The following TBC1D9B variants were observed in gnomAD, a reference collection of about 807,000 sequenced individuals.
TBC1D9B encodes TBC1 domain family member 9B, also known as TBC1 domain family, member 9B (with GRAM domain).
A neutral mutation model predicts 121.1 loss-of-function variants in TBC1D9B; 87 were observed. That is an observed-to-expected ratio of 0.72 (90% CI 0.60 to 0.86). The LOEUF (loss-of-function observed/expected upper bound fraction) is 0.86. TBC1D9B is among the 40% of genes least tolerant of loss of function. The probability of loss-of-function intolerance (pLI) is 0.00; values close to 1 mark genes in which losing one functional copy is unlikely to be tolerated. For synonymous variants in TBC1D9B, 668 were observed against 670.1 expected, an observed-to-expected ratio of 1.00 and a Z score of 0.05; for missense variants, 1,540 against 1,628.6, an observed-to-expected ratio of 0.95 and a Z score of 0.94.
intron 18 of TBC1D9B, chr5:179,866,247 G>A: frequency 6.3e-6 from 1 of 159,336 alleles, no homozygotes; most frequent in Non-Finnish European, 1.2e-5. Context: ...CTAGAACTCT[G>A]GGGAATGTTC....
intron 2 of TBC1D9B, among the ~76,000 whole-genome samples, chr5:179,900,546 G>A (rs930952321): frequency 1.3e-5 from 2 of 152,316 alleles, no homozygotes; most frequent in Admixed American, 6.5e-5. Context: ...TAAGGTGGCC[G>A]CGAACACTGA....
chr5:179,872,639 G>A (rs1471583459), intron 14 of TBC1D9B: 1 of 526,792 alleles, frequency 1.9e-6, no homozygotes, highest in Non-Finnish European at 3.4e-6. Flanking sequence ...GGCTGGGCAT[G>A]TGGCTTTCAG....
In TBC1D9B at chr5:179,875,018, G is replaced by A; in HGVS notation, c.2070C>T (p.Cys690=). The part of the protein sequence containing the change: ...PFESAVVIVD[C]FFYEGIKVIL... ...TCACCTTGATGCCCTCATAGAAAAA[G>A]CAGTCGACGATGACCACGGCGCTCT... Residue 690 remains cysteine, a synonymous_variant, in exon 12 of 21, where the codon TGC becomes TGT. Transcript: ENST00000355235. The surrounding 1 kb of genome is among the most constrained non-coding windows in gnomAD (Gnocchi z 4.5). 6.2e-7 allele frequency: 1 copy of A among 1,614,058 alleles called. No individual in the cohort carries two copies. The highest frequency in any genetic ancestry group is 1.1e-5 in the South Asian group (1 of 91,082).
At position 179,872,908 on chromosome 5, in the gene TBC1D9B, G is replaced by T. The variant is rs760489785; in HGVS notation, c.2399C>A (p.Thr800Lys). ...RLKVIQSLED[T>K]AKRSVVRAIP... ...CACCCATACCACACTCCTCTTGGCC[G>T]TGTCCTCCAAGGACTGGATCACTTT... Residue 800 changes from threonine (T) to lysine (K), a missense_variant, in exon 14 of 21, where the codon ACG becomes AAG. Transcript: ENST00000355235. The T allele has an allele frequency of 1.3e-6, 2 of 1,500,772 alleles. No individual in the cohort carries two copies. The highest frequency in any genetic ancestry group is 1.1e-5 in the South Asian group (1 of 89,350). The allele number at this position is 1,500,772 out of a possible 1,614,324, so 93.0% of individuals were successfully genotyped here. A position where few individuals can be genotyped will look rare whatever the true frequency, so the allele number is the denominator to read the frequency against.
Position 179,885,476 on chromosome 5 carries a change from C to T in TBC1D9B, c.1254+2627G>A, listed in dbSNP as rs563803138. 1.3e-4 allele frequency among the ~76,000 whole-genome samples: 20 copies of T among 152,096 alleles called. No individual in the cohort carries two copies. Among genetic ancestry groups the T allele is most frequent in the African/African-American group, 4.8e-4 (20 of 41,472 alleles). ...TGGTGGTGGACGCCTGTAATCCCAG[C>T]TACTCGGGAGGCTGAGGCAGGAGAA... is the stretch of plus-strand genomic sequence containing the variant. On this transcript the variant is annotated intron_variant, in intron 7 of 20. Coordinates refer to ENST00000355235, the MANE Select transcript of TBC1D9B (RefSeq NM_015043.4). This position sits in a 1 kb window ranked among gnomAD's most constrained non-coding sequence, Gnocchi z 4.5.
At chr5:179,881,308 C>A (rs1760535206) in intron 7 of TBC1D9B, among the ~76,000 whole-genome samples, 1 of 152,206 alleles carries the variant, frequency 6.6e-6, no homozygotes, top group African/African-American at 2.4e-5. Context: ...AACCACTTGC[C>A]ATCCTTGCAT....
chr5:179,905,549 C>A (rs1444785265), intron 1 of TBC1D9B, among the ~76,000 whole-genome samples: 1 of 152,212 alleles, frequency 6.6e-6, no homozygotes, highest in African/African-American at 2.4e-5. Flanking sequence ...AGTTTTTCTT[C>A]TCATCACATA....
At chr5:179,893,551 C>T (rs1325529748) in intron 4 of TBC1D9B, 84 bp from the exon 5 acceptor site, 5 of 1,505,346 alleles carry the variant, frequency 3.3e-6, no homozygotes, top group Non-Finnish European at 4.4e-6. Flanking sequence ...CAGACCCATC[C>T]CAGGGAACTG....
At position 179,874,598 on chromosome 5, in the gene TBC1D9B, G is replaced by C. The variant is rs1760305708; in HGVS notation, c.2186+304C>G. 6.6e-6 allele frequency among the ~76,000 whole-genome samples: 1 copy of C among 152,174 alleles called. No individual in the cohort carries two copies. Among genetic ancestry groups the C allele is most frequent in the Non-Finnish European group, 1.5e-5 (1 of 68,028 alleles). Reference sequence around the variant, plus strand: ...AGCTGTGCCACCAACTGGAATTGTGGTCACTGGATCTTGGCTCTGGTTTGC... The same window carrying C: ...AGCTGTGCCACCAACTGGAATTGTGCTCACTGGATCTTGGCTCTGGTTTGC... On this transcript the variant is annotated intron_variant, in intron 12 of 20. Coordinates refer to ENST00000355235, the MANE Select transcript of TBC1D9B (RefSeq NM_015043.4). The surrounding 1 kb of genome is among the most constrained non-coding windows in gnomAD (Gnocchi z 4.3).
At chr5:179,895,165 A>G (rs1760984000) in intron 3 of TBC1D9B, among the ~76,000 whole-genome samples, 1 of 152,188 alleles carries the variant, frequency 6.6e-6, no homozygotes, top group Non-Finnish European at 1.5e-5. Flanking sequence ...CTGGCCTGAC[A>G]CTTTTAAAAT....
intron 5 of TBC1D9B, among the ~76,000 whole-genome samples, chr5:179,892,191 G>A (rs753513755): frequency 5.3e-5 from 8 of 152,222 alleles, no homozygotes; most frequent in South Asian, 2.1e-4. Context: ...GCCCTGGGCC[G>A]CAGTGGCCTG....
In TBC1D9B at chr5:179,863,391, G is replaced by A. The variant is rs1759903203; in HGVS notation, c.*57C>T. On this transcript the variant is annotated 3_prime_UTR_variant, in exon 21 of 21. Transcript: ENST00000355235. The surrounding 1 kb of genome is among the most constrained non-coding windows in gnomAD (Gnocchi z 4.5). ...AACTGATAAGGGAGGAAAGGCAGGAGGAGATGAGGCCAGCCCCACTGATGA... is the reference window on the plus strand; with the variant it reads ...AACTGATAAGGGAGGAAAGGCAGGAAGAGATGAGGCCAGCCCCACTGATGA... The A allele has an allele frequency of 6.4e-7, 1 of 1,553,244 alleles. No individual in the cohort carries two copies. The highest frequency in any genetic ancestry group is 8.7e-7 in the Non-Finnish European group (1 of 1,145,994).
At chr5:179,870,027 C>T (rs376882594) in intron 16 of TBC1D9B, among the ~76,000 whole-genome samples, 193 bp from the exon 17 acceptor site, 3 of 152,274 alleles carry the variant, frequency 2.0e-5, no homozygotes, top group Middle Eastern at 3.4e-3. Context: ...GGCTGGCAGA[C>T]CAGCTTCTAG....
At chr5:179,896,187 T>C (rs1012809633) in intron 3 of TBC1D9B, among the ~76,000 whole-genome samples, 3 of 152,216 alleles carry the variant, frequency 2.0e-5, no homozygotes, top group African/African-American at 7.2e-5. Context: ...GTAAACCCAA[T>C]TCCAACTAAA....
At chr5:179,888,065 G>A (rs200972865) in intron 7 of TBC1D9B, 38 bp downstream of exon 7, 2 of 1,610,498 alleles carry the variant, frequency 1.2e-6, no homozygotes, top group East Asian at 2.2e-5. Context: ...CTCTTCCTGG[G>A]CCCAACTCGA....
chr5:179,896,779 C>T (rs770579734), intron 3 of TBC1D9B, among the ~76,000 whole-genome samples: 20 of 152,128 alleles, frequency 1.3e-4, no homozygotes, highest in Non-Finnish European at 2.5e-4. Context: ...CTGCCTTAGC[C>T]TCCCAAAGTG....
At chr5:179,896,942 T>C (rs1761037061) in intron 3 of TBC1D9B, among the ~76,000 whole-genome samples, 1 of 152,224 alleles carries the variant, frequency 6.6e-6, no homozygotes, top group South Asian at 2.1e-4. Context: ...AGTCTCGCTC[T>C]GTTGCCCAGG....
intron 18 of TBC1D9B, chr5:179,867,403 G>A (rs1760044969): frequency 6.5e-7 from 1 of 1,538,308 alleles, no homozygotes; most frequent in Non-Finnish European, 8.8e-7. Context: ...CAGGAAGAGT[G>A]TTAGGAGGTA....
intron 8 of TBC1D9B, 75 bp downstream of exon 8, chr5:179,879,553 C>T: frequency 6.2e-7 from 1 of 1,608,740 alleles, no homozygotes; most frequent in Admixed American, 1.7e-5. Flanking sequence ...AGGCCCAGGC[C>T]CAGGACTGGC....
Sources: allele counts gnomAD v4.1 joint callset (sites outside exome capture counted in the v4.1 genomes callset), GRCh38; gene constraint gnomAD v4.1.1; non-coding constraint Gnocchi (gnomAD v3.1); transcripts MANE v1.5; gene names NCBI Gene and HGNC (gene_info 2026-07-23, HGNC 2026-07-21).